PLCXD3: variants seen among roughly 807,000 people sequenced by gnomAD.
PLCXD3 encodes PI-PLC X domain-containing protein 3.
Under a neutral mutation model 25.5 loss-of-function variants are expected in PLCXD3, and 19 were observed. The observed-to-expected ratio is 0.75, with a 90% CI of 0.52 to 1.09. The LOEUF (loss-of-function observed/expected upper bound fraction) is 1.09, where lower values mean the gene tolerates loss of function less well. PLCXD3 is among the 50% of genes least tolerant of loss of function. The probability of loss-of-function intolerance (pLI) is 0.00; values close to 1 mark genes in which losing one functional copy is unlikely to be tolerated. For synonymous variants in PLCXD3, 174 were observed against 137.6 expected (o/e 1.26, Z -1.85); for missense variants, 411 against 388.1 (o/e 1.06, Z -0.50).
chr5:41,504,991 C>T (rs1749024564), intron 1 of PLCXD3, among the ~76,000 whole-genome samples: 1 of 152,108 alleles, frequency 6.6e-6, no homozygotes, highest in Non-Finnish European at 1.5e-5. Flanking sequence ...ATTTGTTAGT[C>T]TTCCCTCATA....
chr5:41,374,743 A>G (rs1243078474), intron 2 of PLCXD3, among the ~76,000 whole-genome samples: 1 of 152,058 alleles, frequency 6.6e-6, no homozygotes, highest in East Asian at 1.9e-4. Context: ...GCTTGAGGAG[A>G]TCGCTTTCCC....
Position 41,510,411 on chromosome 5 carries a change from C to T in PLCXD3, c.103+13G>A, listed in dbSNP as rs530832787. 6.3e-7 allele frequency: 1 copy of T among 1,597,550 alleles called. No homozygotes were observed. The highest frequency in any genetic ancestry group is 1.7e-5 in the Admixed American group (1 of 58,374). On this transcript the variant is annotated intron_variant, in intron 1 of 2. Transcript: ENST00000377801. ...GGCGCCGAGCGCCTAGCCCGCAGCC[C>T]CTGCGCGCCTACCTGGAATGGCTAA...
intron 1 of PLCXD3, among the ~76,000 whole-genome samples, chr5:41,414,934 A>G (rs1746658912): frequency 6.6e-6 from 1 of 152,246 alleles, no homozygotes; most frequent in African/African-American, 2.4e-5. Context: ...CTGAAAGCTC[A>G]TGAATAATGA....
chr5:41,395,946 T>G (rs1032162102), intron 1 of PLCXD3, among the ~76,000 whole-genome samples: 1 of 149,996 alleles, frequency 6.7e-6, no homozygotes, highest in African/African-American at 2.5e-5. Context: ...ATTTCCAAAC[T>G]CATTCTATGA....
At chr5:41,500,330 A>T (rs1382619640) in intron 1 of PLCXD3, among the ~76,000 whole-genome samples, 2 of 151,942 alleles carry the variant, frequency 1.3e-5, no homozygotes, top group Admixed American at 6.6e-5. Context: ...AGACACAGAA[A>T]GACAAATATT....
chr5:41,457,937 C>G (rs567303701), intron 1 of PLCXD3, among the ~76,000 whole-genome samples: 1 of 151,676 alleles, frequency 6.6e-6, no homozygotes, highest in Non-Finnish European at 1.5e-5. Flanking sequence ...TACAGGGCTG[C>G]GTGTTACTGG....
chr5:41,408,228 GAC>G (rs1746408872), intron 1 of PLCXD3, among the ~76,000 whole-genome samples: 1 of 152,130 alleles, frequency 6.6e-6, no homozygotes, highest in Non-Finnish European at 1.5e-5. Flanking sequence ...AATTATAAGA[GAC>G]CCAGGTATTA....
At chr5:41,445,234 G>C (rs1308112696) in intron 1 of PLCXD3, among the ~76,000 whole-genome samples, 1 of 152,160 alleles carries the variant, frequency 6.6e-6, no homozygotes, top group Non-Finnish European at 1.5e-5. Context: ...TTGGATTGTG[G>C]AGAATCATTC....
intron 1 of PLCXD3, among the ~76,000 whole-genome samples, chr5:41,434,138 G>T (rs984908559): frequency 6.6e-6 from 1 of 152,178 alleles, no homozygotes; most frequent in Non-Finnish European, 1.5e-5. Flanking sequence ...AATAACTGTG[G>T]ATCCTTGTGG....
At chr5:41,314,219 C>G (rs1300918148) in intron 2 of PLCXD3, among the ~76,000 whole-genome samples, 2 of 152,106 alleles carry the variant, frequency 1.3e-5, no homozygotes, top group Non-Finnish European at 2.9e-5. Flanking sequence ...AGTAAAATCC[C>G]CTGCCTTCAG....
chr5:41,497,948 T>G (rs936036411), intron 1 of PLCXD3, among the ~76,000 whole-genome samples: 1 of 151,628 alleles, frequency 6.6e-6, no homozygotes, highest in Non-Finnish European at 1.5e-5. Context: ...AACAACCAAT[T>G]GGTCAAACAA....
At chr5:41,487,910 T>C (rs560467284) in intron 1 of PLCXD3, among the ~76,000 whole-genome samples, 1 of 152,136 alleles carries the variant, frequency 6.6e-6, no homozygotes, top group African/African-American at 2.4e-5. Flanking sequence ...TATTTTATTT[T>C]ATTTTTTAAT....
intron 1 of PLCXD3, among the ~76,000 whole-genome samples, chr5:41,393,294 G>A (rs79079983): frequency 0.11 from 16,532 of 152,100 alleles, 1,058 homozygotes; most frequent in Admixed American, 0.17. Context: ...GCTCATGGAT[G>A]AAGAAGGGAT....
intron 1 of PLCXD3, among the ~76,000 whole-genome samples, chr5:41,455,809 T>C (rs1465561157): frequency 6.6e-6 from 1 of 151,956 alleles, no homozygotes; most frequent in Non-Finnish European, 1.5e-5. Flanking sequence ...TTATCAATCC[T>C]GTAATAAGCC....
chr5:41,344,327 G>A (rs1301210964), intron 2 of PLCXD3, among the ~76,000 whole-genome samples: 1 of 152,010 alleles, frequency 6.6e-6, no homozygotes, highest in East Asian at 1.9e-4. Context: ...AATAATTAAG[G>A]TTTCAGATTT....
chr5:41,452,949 T>A (rs992082570), intron 1 of PLCXD3, among the ~76,000 whole-genome samples: 2 of 152,020 alleles, frequency 1.3e-5, no homozygotes, highest in African/African-American at 4.8e-5. Flanking sequence ...ATGTATACAT[T>A]GTGGAATAGA....
At chr5:41,502,619 C>T (rs1748976556) in intron 1 of PLCXD3, among the ~76,000 whole-genome samples, 1 of 152,118 alleles carries the variant, frequency 6.6e-6, no homozygotes, top group East Asian at 1.9e-4. Flanking sequence ...TAGTAAGTCT[C>T]TCTGCCTGTA....
At chr5:41,352,563 T>C (rs993940979) in intron 2 of PLCXD3, among the ~76,000 whole-genome samples, 2 of 152,214 alleles carry the variant, frequency 1.3e-5, no homozygotes, top group Non-Finnish European at 2.9e-5. Flanking sequence ...TGCCTATTTT[T>C]CTGAATGTAC....
intron 1 of PLCXD3, among the ~76,000 whole-genome samples, chr5:41,497,936 T>C (rs1457213740): frequency 6.6e-6 from 1 of 151,680 alleles, no homozygotes; most frequent in Non-Finnish European, 1.5e-5. Flanking sequence ...AATGCATCCT[T>C]TAACAACCAA....
Sources: allele counts gnomAD v4.1 joint callset (sites outside exome capture counted in the v4.1 genomes callset), GRCh38; gene constraint gnomAD v4.1.1; transcripts MANE v1.5; gene names NCBI Gene and HGNC (gene_info 2026-07-23, HGNC 2026-07-21).